Variants in C8G observed in about 807,000 individuals in gnomAD.
The protein encoded by C8G is complement C8 gamma chain.
Under a neutral mutation model 29.1 loss-of-function variants are expected in C8G, and 38 were observed. The ratio of observed to expected loss-of-function variants is 1.31; its 90% CI spans 1.01 to 1.71. C8G has a LOEUF of 1.71. C8G is among the 40% of genes most tolerant of loss of function. The pLI is 0.00. For synonymous variants in C8G, 158 were observed against 113.2 expected (o/e 1.40, Z -2.51); for missense variants, 300 against 267.4 (o/e 1.12, Z -0.85).
Position 136,946,108 on chromosome 9 carries a change from C to A in C8G, c.370C>A (p.His124Asn), listed in dbSNP as rs17613. The change falls in exon 4 of 7, where the codon CAC (histidine) becomes AAC (asparagine). Residue 124 changes from histidine (H) to asparagine (N), a missense_variant. Coordinates refer to ENST00000371634, the MANE Select transcript of C8G (RefSeq NM_000606.3). ...AGCCCGAGACGCCCGAGGGGCTGTG[C>A]ACGTGGTTGTCGCTGAGACCGACTA... ...LQARDARGAV[H>N]VVVAETDYQS... 0.14 allele frequency: 222,311 copies of A among 1,595,738 alleles called. 16,655 individuals are homozygous for A. Among genetic ancestry groups the A allele is most frequent in the African/African-American group, 0.19 (14,064 of 74,540 alleles).
At position 136,945,400 on chromosome 9, in the gene C8G, GC is replaced by G. The variant is rs771389918; in HGVS notation, c.82del (p.Arg28GlyfsTer121). On this transcript the variant is annotated frameshift_variant, in exon 1 of 7. Coordinates refer to ENST00000371634, the MANE Select transcript of C8G (RefSeq NM_000606.3). LOFTEE classifies it high-confidence loss of function. Reference protein sequence around the residue: ...GSLGQKPQRPRRPASPISTIQ... With the variant: ...GSLGQKPQRPXRPASPISTIQ... Reference sequence around the variant, plus strand: ...CTGGGCCAGAAGCCTCAGAGGCCACGCCGGCCCGCATCCCCCATCAGCACCA... The same window carrying G: ...CTGGGCCAGAAGCCTCAGAGGCCACGCGGCCCGCATCCCCCATCAGCACCA... The G allele has an allele frequency of 6.2e-7, 1 of 1,607,080 alleles. No individual in the cohort carries two copies. The highest frequency in any genetic ancestry group is 2.2e-5 in the East Asian group (1 of 44,692).
rs1368009263 is a variant in C8G, at chr9:136,945,913, C to T, written c.276-16C>T. 3 of 1,553,562 alleles carry T rather than the reference C, an allele frequency of 1.9e-6. No homozygotes were observed. The highest frequency in any genetic ancestry group is 2.4e-5 in the East Asian group (1 of 41,360). On this transcript the variant is annotated splice_polypyrimidine_tract_variant and intron_variant, in intron 2 of 6. Coordinates refer to ENST00000371634, the MANE Select transcript of C8G (RefSeq NM_000606.3). ...GGGGTCTCCCAGCCTGTGGTGCCTC[C>T]TCCCCGCCCCCCCAGGGATGGGATC...
Position 136,946,669 on chromosome 9 carries a change from A to C in C8G, c.575A>C (p.Asp192Ala). 1 of 1,612,900 alleles carries C rather than the reference A, an allele frequency of 6.2e-7. No individual in the cohort carries two copies. Among genetic ancestry groups the C allele is most frequent in the Non-Finnish European group, 8.5e-7 (1 of 1,179,952 alleles). Residue 192 changes from aspartate to alanine, a missense_variant, in exon 6 of 7, where the codon GAC becomes GCC. Physicochemically the swap from Asp to Ala is moderately radical, Grantham distance 126. Coordinates refer to ENST00000371634, the MANE Select transcript of C8G (RefSeq NM_000606.3). ...FPKYGFCEAA[D>A]QFHVLDEVRR ...CCCCCAGGCTTCTGCGAGGCTGCAGACCAGTTCCACGTCCTGGACGGTGAG... is the reference window on the plus strand; with the variant it reads ...CCCCCAGGCTTCTGCGAGGCTGCAGCCCAGTTCCACGTCCTGGACGGTGAG...
chr9:136,945,560 G>A (rs1454726619), intron 1 of C8G, 74 bp from the exon 2 acceptor site: 4 of 1,566,262 alleles, frequency 2.6e-6, no homozygotes, highest in Non-Finnish European at 3.5e-6. Flanking sequence ...AGGTGAAGTT[G>A]TGGGGGGTGT....
chr9:136,946,060 C>T (rs200973080), intron 3 of C8G, 25 bp from the exon 4 acceptor site: 2 of 1,604,516 alleles, frequency 1.2e-6, no homozygotes, highest in African/African-American at 1.3e-5. Flanking sequence ...GGCTCTCTGA[C>T]ATGGCTACTG....
rs770535682 is a variant in C8G at position 136,945,732 on chromosome 9, C to T, written c.237C>T (p.Pro79=). The change falls in exon 2 of 7, where the codon CCC becomes CCT. Residue 79 remains proline (P), a synonymous_variant. Coordinates refer to ENST00000371634, the MANE Select transcript of C8G (RefSeq NM_000606.3). ...AGGCCACCACACTGCATGTGGCTCC[C>T]CAGGGCACAGCCATGGCTGTCAGTA... ...RAEATTLHVA[P]QGTAMAVSTF... 8.3e-6 allele frequency: 13 copies of T among 1,574,088 alleles called. No individual in the cohort carries two copies. The African/African-American group carries it at 1.8e-4, about 21-fold the overall frequency.
intron 1 of C8G, 72 bp from the exon 2 acceptor site, chr9:136,945,561 TG>T (rs948984874): frequency 5.8e-6 from 9 of 1,554,070 alleles, no homozygotes; most frequent in Non-Finnish European, 7.9e-6. Context: ...GGTGAAGTTG[TG>T]GGGGGTGTAG....
chr9:136,946,360 G>C, intron 4 of C8G, 105 bp from the exon 5 acceptor site: 1 of 1,448,084 alleles, frequency 6.9e-7, no homozygotes, highest in Non-Finnish European at 9.2e-7. Flanking sequence ...CCTGGTGTGG[G>C]AGCAGGGAGA....
rs1254372746 is a variant in C8G at position 136,945,948 on chromosome 9, G to T, written c.295G>T (p.Val99Leu). The T allele has an allele frequency of 1.1e-5, 17 of 1,566,386 alleles. No individual in the cohort carries two copies. Among genetic ancestry groups the T allele is most frequent in the Non-Finnish European group, 1.5e-5 (17 of 1,155,862 alleles). ...CCCCAGGGATGGGATCTGCTGGCAGGTGCGCCAGCTCTATGGAGACACAGG... is the reference window on the plus strand; with the variant it reads ...CCCCAGGGATGGGATCTGCTGGCAGTTGCGCCAGCTCTATGGAGACACAGG... ...FRKLDGICWQ[V>L]RQLYGDTGVL... The change falls in exon 3 of 7, where the codon GTG becomes TTG. Residue 99 changes from valine (V) to leucine (L), a missense_variant. Coordinates refer to ENST00000371634, the MANE Select transcript of C8G (RefSeq NM_000606.3).
chr9:136,946,299 C>T (rs766413433), intron 4 of C8G, 107 bp downstream of exon 4: 1 of 1,365,920 alleles, frequency 7.3e-7, no homozygotes, highest in East Asian at 2.4e-5. Context: ...TTCCTTTCTC[C>T]CATCCTGATC....
At position 136,945,375 on chromosome 9, in the gene C8G, C is replaced by A. The variant is rs773780436; in HGVS notation, c.55C>A (p.Leu19Met). 1.2e-6 allele frequency: 2 copies of A among 1,612,722 alleles called. No individual in the cohort carries two copies. The highest frequency in any genetic ancestry group is 4.5e-5 in the East Asian group (2 of 44,874). ...LLTLLLAAGS[L>M]GQKPQRPRRP... ...GACTCTGCTCCTGGCAGCTGGCTCG[C>A]TGGGCCAGAAGCCTCAGAGGCCACG... The change falls in exon 1 of 7, where the codon CTG becomes ATG. Residue 19 changes from leucine to methionine, a missense_variant. Leu to Met is a conservative substitution (Grantham distance 15, BLOSUM62 2). Coordinates refer to ENST00000371634, the MANE Select transcript of C8G (RefSeq NM_000606.3).
intron 1 of C8G, 44 bp from the exon 2 acceptor site, chr9:136,945,590 G>A: frequency 6.3e-7 from 1 of 1,594,206 alleles, no homozygotes; most frequent in Non-Finnish European, 8.6e-7. Flanking sequence ...CAGGTGAGGG[G>A]CCCTCCCACA....
At position 136,946,685 on chromosome 9, in the gene C8G, G is replaced by C; in HGVS notation, c.591G>C (p.Leu197=). Residue 197 remains leucine, a synonymous_variant, in exon 6 of 7, where the codon CTG becomes CTC. Coordinates refer to ENST00000371634, the MANE Select transcript of C8G (RefSeq NM_000606.3). ...FCEAADQFHV[L]DEVRR ...AGGCTGCAGACCAGTTCCACGTCCT[G>C]GACGGTGAGTGCACAGCGGGGCAAG... The C allele has an allele frequency of 6.2e-7, 1 of 1,612,512 alleles. No homozygotes were observed. The highest frequency in any genetic ancestry group is 8.5e-7 in the Non-Finnish European group (1 of 1,179,986).
At position 136,946,806 on chromosome 9, in the gene C8G, A is replaced by G. The variant is rs1343326202; in HGVS notation, c.*25A>G. On this transcript the variant is annotated 3_prime_UTR_variant, in exon 7 of 7. Coordinates refer to ENST00000371634, the MANE Select transcript of C8G (RefSeq NM_000606.3). ...AGGCCGGCACACAGCTCCAGTGCTGAGAAGTCAGTGCCCCGAGAGACGACC... is the reference window on the plus strand; with the variant it reads ...AGGCCGGCACACAGCTCCAGTGCTGGGAAGTCAGTGCCCCGAGAGACGACC... 13 of 1,561,388 alleles carry G rather than the reference A, an allele frequency of 8.3e-6. No individual in the cohort carries two copies. The highest frequency in any genetic ancestry group is 1.1e-5 in the Non-Finnish European group (13 of 1,158,650).
At position 136,946,546 on chromosome 9, in the gene C8G, T is replaced by C. The variant is rs761830082; in HGVS notation, c.536T>C (p.Ile179Thr). Residue 179 changes from isoleucine to threonine, a missense_variant, in exon 5 of 7, where the codon ATC (isoleucine) becomes ACC (threonine). Coordinates refer to ENST00000371634, the MANE Select transcript of C8G (RefSeq NM_000606.3). ...VQEAHLTEDQ[I>T]FYFPKYGFCE... ...GAGGCCCACCTGACTGAGGACCAGA[T>C]CTTCTACTTCCCCAAGTACGGTGAG... 1.2e-6 allele frequency: 2 copies of C among 1,612,894 alleles called. No homozygotes were observed. The highest frequency in any genetic ancestry group is 2.2e-5 in the South Asian group (2 of 90,968).
chr9:136,946,310 C>T (rs1851037584), intron 4 of C8G, 118 bp downstream of exon 4: 4 of 1,380,208 alleles, frequency 2.9e-6, no homozygotes, highest in Non-Finnish European at 3.9e-6. Flanking sequence ...CATCCTGATC[C>T]TCCTGCTAAG....
intron 1 of C8G, 80 bp downstream of exon 1, chr9:136,945,538 G>T (rs1318619589): frequency 3.2e-6 from 5 of 1,547,014 alleles, no homozygotes; most frequent in Non-Finnish European, 4.4e-6. Flanking sequence ...TTGTTGCGGG[G>T]GAGAGGGAAG....
Position 136,946,754 on chromosome 9 carries a change from C to T in C8G, c.596-14C>T, listed in dbSNP as rs370712641. On this transcript the variant is annotated splice_polypyrimidine_tract_variant and intron_variant, in intron 6 of 6. Coordinates refer to ENST00000371634, the MANE Select transcript of C8G (RefSeq NM_000606.3). ...GGGGCCACTGCCACCGGCTGAGTCT[C>T]GTCTCTGCTGCAGAAGTGAGGAGGT... The T allele has an allele frequency of 9.9e-5, 159 of 1,605,136 alleles. No individual in the cohort carries two copies. The highest frequency in any genetic ancestry group is 1.6e-4 in the Middle Eastern group (1 of 6,078).
Position 136,946,151 on chromosome 9 carries a change from T to C in C8G, c.413T>C (p.Leu138Pro), listed in dbSNP as rs1216010444. The change falls in exon 4 of 7, where the codon CTG becomes CCG. Residue 138 changes from leucine to proline, a missense_variant. Transcript: ENST00000371634. ...ACCGACTACCAGAGTTTCGCTGTCC[T>C]GTACCTGGAGCGGGCGGGGCAGCTG... ...AETDYQSFAV[L>P]YLERAGQLSV... 1.3e-6 allele frequency: 2 copies of C among 1,578,608 alleles called. No homozygotes were observed. The highest frequency in any genetic ancestry group is 3.5e-5 in the Admixed American group (2 of 56,444).
Sources: allele counts gnomAD v4.1 joint callset, GRCh38; gene constraint gnomAD v4.1.1; transcripts MANE v1.5; gene names NCBI Gene and HGNC (gene_info 2026-07-23, HGNC 2026-07-21).